Variants in ARHGAP12 observed in about 807,000 individuals in gnomAD.
ARHGAP12 encodes the protein rho GTPase-activating protein 12.
In ARHGAP12, 64 loss-of-function variants were observed where a neutral mutation model predicts 108.6. The observed-to-expected ratio is 0.59, with a 90% CI of 0.48 to 0.73. The LOEUF (loss-of-function observed/expected upper bound fraction) is 0.73. ARHGAP12 is among the 30% of genes least tolerant of loss of function. The probability of loss-of-function intolerance (pLI) is 0.00; values close to 1 mark genes in which losing one functional copy is unlikely to be tolerated. For missense variants in ARHGAP12, 940 were observed against 1,005.9 expected (o/e 0.93, Z 0.89); for synonymous variants, 312 against 337.2 (o/e 0.93, Z 0.82).
At chr10:31,827,519 C>T (rs1835660589) in intron 10 of ARHGAP12, among the ~76,000 whole-genome samples, 1 of 152,142 alleles carries the variant, frequency 6.6e-6, no homozygotes, top group Non-Finnish European at 1.5e-5. Flanking sequence ...AGGCCGGGTG[C>T]GGTGGCTCAC....
intron 3 of ARHGAP12, among the ~76,000 whole-genome samples, chr10:31,898,039 G>A (rs1234412636): frequency 2.6e-5 from 4 of 152,034 alleles, no homozygotes; most frequent in East Asian, 3.9e-4. Flanking sequence ...TGGGAAAATC[G>A]CTTGAACCCA....
rs1391388188 is a variant in ARHGAP12 at position 31,826,314 on chromosome 10, C to T, written c.1520G>A (p.Ser507Asn). 6 of 1,609,556 alleles carry T rather than the reference C, an allele frequency of 3.7e-6. No individual in the cohort carries two copies. The Admixed American group carries it at 8.4e-5, about 23-fold the overall frequency. Residue 507 changes from serine (S) to asparagine (N), a missense_variant, in exon 11 of 20, where the codon AGC (serine) becomes AAC (asparagine). By Grantham distance (46) the Ser-to-Asn change is conservative (BLOSUM62 1). Coordinates refer to ENST00000344936, the MANE Select transcript of ARHGAP12 (RefSeq NM_018287.7). ...SLLFTKTQGS[S>N]TSWFGSNQSK... ...AGAAGAAATACTTACCCAACTTGTG[C>T]TACTTCCTTGAGTTTTGGTAAAAAG...
At chr10:31,835,276 A>C (rs1387210822) in intron 9 of ARHGAP12, among the ~76,000 whole-genome samples, 1 of 152,014 alleles carries the variant, frequency 6.6e-6, no homozygotes, top group Non-Finnish European at 1.5e-5. Context: ...TCTACATAAT[A>C]TGTGTCAAAA....
rs750678343 is a variant in ARHGAP12 at position 31,908,501 on chromosome 10, G to C, written c.355C>G (p.Pro119Ala). Residue 119 changes from proline (P) to alanine (A), a missense_variant, in exon 3 of 20, where the codon CCA becomes GCA. Pro to Ala is a conservative substitution (Grantham distance 27, BLOSUM62 -1). Transcript: ENST00000344936. ...CCTGTTCCTTGAACAGATGACGATG[G>C]CTTTCCGAAACTTGAAAGCTCAGGC... ...KLPELSSFGK[P>A]SSSVQGTGLI... 2 of 1,614,172 alleles carry C rather than the reference G, an allele frequency of 1.2e-6. No homozygotes were observed. Among genetic ancestry groups the C allele is most frequent in the South Asian group, 1.1e-5 (1 of 91,080 alleles).
At chr10:31,859,501 T>TA (rs368310147) in intron 4 of ARHGAP12, among the ~76,000 whole-genome samples, 101 of 152,302 alleles carry the variant, frequency 6.6e-4, no homozygotes, top group African/African-American at 2.3e-3. Context: ...TTACCTCCCA[T>TA]ACACAACTTT....
At position 31,908,635 on chromosome 10, in the gene ARHGAP12, C is replaced by T. The variant is rs150296370; in HGVS notation, c.221G>A (p.Arg74His). ...VPAQYVKEVT[R>H]KALMPPVKQV... is the part of the protein sequence containing the mutation. ...CTTAACAGGTGGCATGAGAGCTTTG[C>T]GCGTGACCTCCTTCACATACTGGGC... The change falls in exon 3 of 20, where the codon CGC becomes CAC. Residue 74 changes from arginine to histidine, a missense_variant. By Grantham distance (29) the Arg-to-His change is conservative. Coordinates refer to ENST00000344936, the MANE Select transcript of ARHGAP12 (RefSeq NM_018287.7). 5.0e-5 allele frequency: 80 copies of T among 1,614,004 alleles called. No individual in the cohort carries two copies. Among genetic ancestry groups the T allele is most frequent in the Admixed American group, 1.0e-4 (6 of 60,000 alleles).
intron 2 of ARHGAP12, 24 bp downstream of exon 2, chr10:31,910,501 C>T (rs1839296659): frequency 6.6e-6 from 1 of 151,750 alleles, no homozygotes; most frequent in Non-Finnish European, 1.5e-5. Flanking sequence ...TAATACAACA[C>T]ATTTTCAAAA....
chr10:31,908,499 T>C lies in ARHGAP12; in HGVS notation c.357A>G (p.Pro119=). The C allele has an allele frequency of 2.5e-6, 4 of 1,614,242 alleles. No individual in the cohort carries two copies. The highest frequency in any genetic ancestry group is 3.4e-6 in the Non-Finnish European group (4 of 1,180,032). The change falls in exon 3 of 20, where the codon CCA becomes CCG. Residue 119 remains proline, a synonymous_variant. Transcript: ENST00000344936. ...KLPELSSFGK[P]SSSVQGTGLI... is the part of the protein sequence containing the mutation. ...GACCTGTTCCTTGAACAGATGACGA[T>C]GGCTTTCCGAAACTTGAAAGCTCAG...
intron 1 of ARHGAP12, 149 bp downstream of exon 1, chr10:31,928,534 G>GGCGCCGCCGCCGCCGCCGCC (rs1445776750): frequency 6.6e-6 from 1 of 151,048 alleles, no homozygotes; most frequent in African/African-American, 2.5e-5. Context: ...GCACCTCCGC[G>GGCGCCGCCGCCGCCGCCGCC]GCGCCGCCGC....
chr10:31,824,011 C>T (rs1338273780), intron 11 of ARHGAP12, among the ~76,000 whole-genome samples: 4 of 152,090 alleles, frequency 2.6e-5, no homozygotes, highest in Non-Finnish European at 5.9e-5. Context: ...AGTTAAAGAG[C>T]ATCTTGTATG....
At chr10:31,904,674 T>C (rs1839055573) in intron 3 of ARHGAP12, among the ~76,000 whole-genome samples, 1 of 152,200 alleles carries the variant, frequency 6.6e-6, no homozygotes, top group African/African-American at 2.4e-5. Context: ...TTGCCCAAGC[T>C]GGAGTGCAAT....
intron 8 of ARHGAP12, 149 bp downstream of exon 8, chr10:31,839,488 T>A: frequency 9.1e-7 from 1 of 1,093,710 alleles, no homozygotes; most frequent in Non-Finnish European, 1.3e-6. Flanking sequence ...AAAATCTGAT[T>A]GTTAAACTTA....
chr10:31,823,239 T>C (rs952297477), intron 11 of ARHGAP12, among the ~76,000 whole-genome samples: 1 of 152,000 alleles, frequency 6.6e-6, no homozygotes, highest in Non-Finnish European at 1.5e-5. Flanking sequence ...CAAACAAACA[T>C]ACAAACATAC....
At chr10:31,852,410 C>G in intron 6 of ARHGAP12, 107 bp downstream of exon 6, 1 of 971,244 alleles carries the variant, frequency 1.0e-6, no homozygotes, top group East Asian at 2.5e-5. Context: ...AATTATTCTA[C>G]TTTGTAAAAG....
rs561231007 is a variant in ARHGAP12 at position 31,851,068 on chromosome 10, ATAG to A, written c.1170+1446_1170+1448del. On this transcript the variant is annotated intron_variant, in intron 6 of 19. Coordinates refer to ENST00000344936, the MANE Select transcript of ARHGAP12 (RefSeq NM_018287.7). ...GATGAAGTAAAAACACAATGTGATA[ATAG>A]TAGTATCTTCTTAACTTTTTATACG... Among the ~76,000 whole-genome samples, 602 of 152,226 alleles carry A rather than the reference ATAG, an allele frequency of 4.0e-3. 8 individuals are homozygous for A. Among genetic ancestry groups the A allele is most frequent in the African/African-American group, 0.014 (571 of 41,560 alleles).
chr10:31,838,823 T>G (rs1425635214), intron 9 of ARHGAP12, among the ~76,000 whole-genome samples: 4 of 99,212 alleles, frequency 4.0e-5, no homozygotes, highest in African/African-American at 1.9e-4. Flanking sequence ...AGAGTGAGGC[T>G]CCATCTCAAA....
Position 31,908,160 on chromosome 10 carries a change from T to G in ARHGAP12, c.684+12A>C. 3 of 1,550,414 alleles carry G rather than the reference T, an allele frequency of 1.9e-6. No homozygotes were observed. The highest frequency in any genetic ancestry group is 2.6e-6 in the Non-Finnish European group (3 of 1,152,400). On this transcript the variant is annotated intron_variant, in intron 3 of 19. Coordinates refer to ENST00000344936, the MANE Select transcript of ARHGAP12 (RefSeq NM_018287.7). The stretch of plus-strand genomic sequence containing the variant: ...GTGGTACAGTGTTTCCTCATTCTAT[T>G]TTTAATCTTACCCTTATCTGTTCAG...
chr10:31,867,873 G>A (rs1430938501), intron 3 of ARHGAP12, among the ~76,000 whole-genome samples: 2 of 151,292 alleles, frequency 1.3e-5, no homozygotes, highest in Non-Finnish European at 2.9e-5. Flanking sequence ...AATACTAGCA[G>A]TGAAAATGCT....
In ARHGAP12 at chr10:31,908,546, T is replaced by C. The variant is rs148210152; in HGVS notation, c.310A>G (p.Thr104Ala). ...IMQSLHLQRS[T>A]ENVNKLPELS... is the part of the protein sequence containing the mutation. Reference sequence around the variant, plus strand: ...TCAGGCAATTTGTTCACATTTTCTGTTGATCTCTGAAGATGCAAACTCTGC... The same window carrying C: ...TCAGGCAATTTGTTCACATTTTCTGCTGATCTCTGAAGATGCAAACTCTGC... The change falls in exon 3 of 20, where the codon ACA (threonine) becomes GCA (alanine). Residue 104 changes from threonine to alanine, a missense_variant. Coordinates refer to ENST00000344936, the MANE Select transcript of ARHGAP12 (RefSeq NM_018287.7). 6.2e-7 allele frequency: 1 copy of C among 1,614,236 alleles called. No individual in the cohort carries two copies. Among genetic ancestry groups the C allele is most frequent in the East Asian group, 2.2e-5 (1 of 44,894 alleles).
Sources: allele counts gnomAD v4.1 joint callset (sites outside exome capture counted in the v4.1 genomes callset), GRCh38; gene constraint gnomAD v4.1.1; transcripts MANE v1.5; gene names NCBI Gene and HGNC (gene_info 2026-07-23, HGNC 2026-07-21).